The following PCYT1B variants were observed in gnomAD, a reference collection of about 807,000 sequenced individuals.
The protein encoded by PCYT1B is choline-phosphate cytidylyltransferase B.
A neutral mutation model predicts 26.4 loss-of-function variants in PCYT1B; 10 were observed. That is an observed-to-expected ratio of 0.38 (90% CI 0.23 to 0.64). The LOEUF (loss-of-function observed/expected upper bound fraction) is 0.64. PCYT1B is among the 30% of genes least tolerant of loss of function. The pLI is 0.56. For missense variants in PCYT1B, 161 were observed against 292.7 expected, an observed-to-expected ratio of 0.55 and a Z score of 3.28; for synonymous variants, 131 against 108.4, an observed-to-expected ratio of 1.21 and a Z score of -1.29.
In PCYT1B at chrX:24,642,652, A is replaced by T. The variant is rs368675018; in HGVS notation, c.117+4337T>A. ...CATTTGGATAGAGACCAGCAGGAAG[A>T]TACCTAATAATAACCTTAGGCAGAA... On this transcript the variant is annotated intron_variant, in intron 1 of 7. Transcript: ENST00000379144. Among the ~76,000 whole-genome samples, 12 of 112,192 alleles carry T rather than the reference A, an allele frequency of 1.1e-4. No individual in the cohort carries two copies. In the East Asian group the frequency reaches 3.1e-3, roughly 29 times the overall value.
At chrX:24,623,994 C>CA (rs1288004560) in intron 1 of PCYT1B, among the ~76,000 whole-genome samples, 73 of 86,406 alleles carry the variant, frequency 8.4e-4, no homozygotes, top group African/African-American at 3.1e-3. Context: ...TTTTTTGAGA[C>CA]AGAGTCTCGC....
intron 7 of PCYT1B, among the ~76,000 whole-genome samples, chrX:24,564,842 C>T (rs2148217783): frequency 9.0e-6 from 1 of 111,069 alleles, no homozygotes; most frequent in South Asian, 3.9e-4. Flanking sequence ...TAGAATCCTA[C>T]AGTATGTGGT....
At chrX:24,570,800 C>G in intron 7 of PCYT1B, among the ~76,000 whole-genome samples, 1 of 111,645 alleles carries the variant, frequency 9.0e-6, no homozygotes, top group East Asian at 2.8e-4. Flanking sequence ...TATCATAAAT[C>G]TAGATGGCCT....
intron 4 of PCYT1B, among the ~76,000 whole-genome samples, chrX:24,587,795 G>A (rs1419742070): frequency 8.9e-6 from 1 of 112,473 alleles, no homozygotes; most frequent in Non-Finnish European, 1.9e-5. Context: ...CTTGTGAGGT[G>A]GGCAGGCCAC....
intron 5 of PCYT1B, among the ~76,000 whole-genome samples, chrX:24,579,929 C>T (rs1924152468): frequency 8.9e-6 from 1 of 112,204 alleles, no homozygotes; most frequent in Non-Finnish European, 1.9e-5. Flanking sequence ...AATCCCAGTA[C>T]TTTCGAAGGC....
At position 24,619,022 on chromosome X, in the gene PCYT1B, T is replaced by C; in HGVS notation, c.180A>G (p.Glu60=). ...ETNCQCQAPH[E]KLTIAQARLG... Reference sequence around the variant, plus strand: ...AGCGGGCCTGAGCAATGGTCAGTTTTTCATGGGGTGCTTGACACTGGCAGT... The same window carrying C: ...AGCGGGCCTGAGCAATGGTCAGTTTCTCATGGGGTGCTTGACACTGGCAGT... Residue 60 remains glutamate, a synonymous_variant, in exon 2 of 8, where the codon GAA becomes GAG. Coordinates refer to ENST00000379144, the MANE Select transcript of PCYT1B (RefSeq NM_004845.5). The C allele has an allele frequency of 8.5e-7, 1 of 1,178,340 alleles. No individual in the cohort carries two copies. Among genetic ancestry groups the C allele is most frequent in the Non-Finnish European group, 1.1e-6 (1 of 875,893 alleles).
At chrX:24,610,582 T>G (rs1925278486) in intron 2 of PCYT1B, among the ~76,000 whole-genome samples, 1 of 112,209 alleles carries the variant, frequency 8.9e-6, no homozygotes, top group South Asian at 3.7e-4. Flanking sequence ...TTTTTGTTAT[T>G]GATTCAGAGG....
At chrX:24,625,644 G>A (rs913641741) in intron 1 of PCYT1B, among the ~76,000 whole-genome samples, 2 of 106,403 alleles carry the variant, frequency 1.9e-5, no homozygotes, top group African/African-American at 6.9e-5. Context: ...AGACAGATAC[G>A]TATGTACTGA....
intron 7 of PCYT1B, among the ~76,000 whole-genome samples, chrX:24,565,576 C>T (rs147295410): frequency 1.8e-5 from 2 of 110,184 alleles, no homozygotes; most frequent in South Asian, 3.9e-4. Context: ...CCCCAAATGC[C>T]CATGGGGTGG....
intron 2 of PCYT1B, among the ~76,000 whole-genome samples, chrX:24,611,871 G>T (rs1194520213): frequency 9.0e-6 from 1 of 110,893 alleles, no homozygotes; most frequent in African/African-American, 3.3e-5. Context: ...TACTTGGGAG[G>T]CTGAGGCAGG....
intron 1 of PCYT1B, among the ~76,000 whole-genome samples, chrX:24,623,630 G>A (rs1925776574): frequency 9.0e-6 from 1 of 110,517 alleles, no homozygotes; most frequent in Non-Finnish European, 1.9e-5. Context: ...ATAAGTTCTG[G>A]TTATATAAAC....
At chrX:24,576,004 T>C (rs1472620268) in intron 6 of PCYT1B, among the ~76,000 whole-genome samples, 1 of 112,412 alleles carries the variant, frequency 8.9e-6, no homozygotes, top group African/African-American at 3.2e-5. Flanking sequence ...ATATCACCTC[T>C]AAACCTCAGT....
chrX:24,587,116 G>A, intron 5 of PCYT1B, 125 bp downstream of exon 5: 5 of 481,123 alleles, frequency 1.0e-5, no homozygotes, highest in Non-Finnish European at 1.8e-5. Flanking sequence ...AAGCCGCCTG[G>A]GGGACACCTA....
At chrX:24,624,138 T>G (rs1243787909) in intron 1 of PCYT1B, among the ~76,000 whole-genome samples, 1 of 109,144 alleles carries the variant, frequency 9.2e-6, no homozygotes, top group Non-Finnish European at 1.9e-5. Flanking sequence ...CCCGGCTAAT[T>G]TTTTGTATTT....
At chrX:24,576,701 G>A (rs1432625148) in intron 6 of PCYT1B, among the ~76,000 whole-genome samples, 1 of 111,188 alleles carries the variant, frequency 9.0e-6, no homozygotes, top group Admixed American at 9.6e-5. Flanking sequence ...CCTCAGGCTG[G>A]GGCATGAGCT....
In PCYT1B at chrX:24,588,595, G is replaced by C. The variant is rs376616322; in HGVS notation, c.487-1276C>G. On this transcript the variant is annotated intron_variant, in intron 4 of 7. Coordinates refer to ENST00000379144, the MANE Select transcript of PCYT1B (RefSeq NM_004845.5). ...TGATTCCCTGCCCCACTACTTGCTG[G>C]CTATATAACTCATAAGTTAGGGGAA... Among the ~76,000 whole-genome samples the C allele has an allele frequency of 2.7e-5, 3 of 111,729 alleles. No homozygotes were observed. The East Asian group carries it at 8.4e-4, about 31-fold the overall frequency.
chrX:24,607,096 G>A (rs1034556938), intron 3 of PCYT1B, among the ~76,000 whole-genome samples: 3 of 111,761 alleles, frequency 2.7e-5, no homozygotes, highest in African/African-American at 6.5e-5. Flanking sequence ...ATCCCTTTTA[G>A]CCAAAAAGAA....
chrX:24,656,551 C>CTTTTTTTTTTTTT (rs1179469896), intron 1 of PCYT1B, among the ~76,000 whole-genome samples: 5 of 56,637 alleles, frequency 8.8e-5, no homozygotes, highest in Non-Finnish European at 1.2e-4. Context: ...TCTTTTTTTC[C>CTTTTTTTTTTTTT]TTTTTTTTTT....
chrX:24,626,322 G>T (rs905920856), intron 1 of PCYT1B, among the ~76,000 whole-genome samples: 3 of 111,847 alleles, frequency 2.7e-5, no homozygotes, highest in Non-Finnish European at 5.6e-5. Flanking sequence ...TGCAGATATA[G>T]AACATTTCTA....
Sources: allele counts gnomAD v4.1 joint callset (sites outside exome capture counted in the v4.1 genomes callset), GRCh38; gene constraint gnomAD v4.1.1; transcripts MANE v1.5; gene names NCBI Gene and HGNC (gene_info 2026-07-23, HGNC 2026-07-21).